RSPO4: variants seen among roughly 807,000 people sequenced by gnomAD.
RSPO4 encodes R-spondin 4.
In RSPO4, 23 loss-of-function variants were observed where a neutral mutation model predicts 24.8. The observed-to-expected ratio is 0.93, with a 90% confidence interval of 0.67 to 1.31. RSPO4 has a LOEUF of 1.31. RSPO4 is among the 40% of genes most tolerant of loss of function. RSPO4 has a pLI of 0.00. For missense variants in RSPO4, 333 were observed against 316.5 expected, an observed-to-expected ratio of 1.05 and a Z score of -0.39; for synonymous variants, 141 against 127.4, an observed-to-expected ratio of 1.11 and a Z score of -0.72.
intron 1 of RSPO4, among the ~76,000 whole-genome samples, chr20:980,466 C>A (rs1234913996): frequency 2.0e-5 from 3 of 152,162 alleles, no homozygotes; most frequent in Non-Finnish European, 4.4e-5. Context: ...CCTCCCCTCA[C>A]CCCCAGTAGA....
chr20:985,132 C>CATCT (rs1456458138), intron 1 of RSPO4, among the ~76,000 whole-genome samples: 3 of 142,896 alleles, frequency 2.1e-5, no homozygotes, highest in Non-Finnish European at 4.6e-5. Flanking sequence ...CCCACCCACT[C>CATCT]ATCTATCCAT....
chr20:965,697 G>C (rs1984172551), intron 3 of RSPO4, among the ~76,000 whole-genome samples: 1 of 152,160 alleles, frequency 6.6e-6, no homozygotes, highest in African/African-American at 2.4e-5. Context: ...AAAGGGATGA[G>C]CTGAATGGTG....
chr20:998,059 T>G (rs1985350335), intron 1 of RSPO4, among the ~76,000 whole-genome samples: 1 of 152,192 alleles, frequency 6.6e-6, no homozygotes, highest in Non-Finnish European at 1.5e-5. Context: ...GTTTTCCCAT[T>G]TCACAGATGG....
In RSPO4 at chr20:960,343, G is replaced by A. The variant is rs766487997; in HGVS notation, c.*14C>T. The A allele has an allele frequency of 6.6e-6, 10 of 1,524,242 alleles. No individual in the cohort carries two copies. Among genetic ancestry groups the A allele is most frequent in the Middle Eastern group, 1.9e-4 (1 of 5,180 alleles). The allele number at this position is 1,524,242 out of a possible 1,614,324, so 94.4% of individuals were successfully genotyped here. On this transcript the variant is annotated 3_prime_UTR_variant, in exon 5 of 5. Coordinates refer to ENST00000217260, the MANE Select transcript of RSPO4 (RefSeq NM_001029871.4). ...GGCCGAGGACTAGGACCAGAGAGTCGGGAGAGCCGGCGGTCAGGGCTGCAG... is the reference window on the plus strand; with the variant it reads ...GGCCGAGGACTAGGACCAGAGAGTCAGGAGAGCCGGCGGTCAGGGCTGCAG...
At chr20:964,887 A>G (rs914511672) in intron 3 of RSPO4, among the ~76,000 whole-genome samples, 1 of 151,456 alleles carries the variant, frequency 6.6e-6, no homozygotes, top group African/African-American at 2.4e-5. Context: ...GTAGGCACAG[A>G]ATATGGGTAG....
chr20:984,353 C>G (rs189579417), intron 1 of RSPO4, among the ~76,000 whole-genome samples: 13 of 152,220 alleles, frequency 8.5e-5, no homozygotes, highest in African/African-American at 2.9e-4. Flanking sequence ...AAAAAGAAAG[C>G]TGAGAAATAT....
intron 1 of RSPO4, among the ~76,000 whole-genome samples, chr20:993,729 T>C (rs945643733): frequency 9.2e-5 from 14 of 152,184 alleles, no homozygotes; most frequent in East Asian, 1.9e-4. Flanking sequence ...GGTAGAAACA[T>C]GAAATTGCTA....
intron 2 of RSPO4, 92 bp downstream of exon 2, chr20:967,858 C>G: frequency 7.9e-7 from 1 of 1,261,272 alleles, no homozygotes; most frequent in East Asian, 2.3e-5. Context: ...CACCTACTTC[C>G]CCTCTGTCTG....
chr20:999,735 T>A (rs748345181), intron 1 of RSPO4, among the ~76,000 whole-genome samples: 1 of 151,736 alleles, frequency 6.6e-6, no homozygotes. Context: ...ACTGAGCTCC[T>A]GGGGAGGTGG....
rs62187523 is a variant in RSPO4 at position 959,468 on chromosome 20, T to C, written c.*889A>G. Reference sequence around the variant, plus strand: ...CAGAGCTGCTGGATAATCTCAGCTTTCCTTTCCGTTTCAGTGGCCTCTTCT... The same window carrying C: ...CAGAGCTGCTGGATAATCTCAGCTTCCCTTTCCGTTTCAGTGGCCTCTTCT... On this transcript the variant is annotated 3_prime_UTR_variant, in exon 5 of 5. Transcript: ENST00000217260. 17,817 of 152,494 alleles carry C rather than the reference T, an allele frequency of 0.12. 1,420 individuals are homozygous for C. Among genetic ancestry groups the C allele is most frequent in the South Asian group, 0.23 (1,105 of 4,826 alleles). 9.4% of individuals were successfully genotyped at this position (152,494 alleles called of 1,614,324 possible). A position where few individuals can be genotyped will look rare whatever the true frequency, so the allele number is the denominator to read the frequency against.
intron 3 of RSPO4, among the ~76,000 whole-genome samples, chr20:966,063 G>C (rs1984185383): frequency 6.6e-6 from 1 of 152,186 alleles, no homozygotes; most frequent in South Asian, 2.1e-4. Context: ...AGCGTTAGGT[G>C]GGGGATGGTG....
rs769102112 is a variant in RSPO4, at chr20:968,040, G to A, written c.178C>T (p.Arg60Trp). The A allele has an allele frequency of 8.1e-6, 13 of 1,614,220 alleles. No homozygotes were observed. The highest frequency in any genetic ancestry group is 6.7e-5 in the Admixed American group (4 of 60,028). The change falls in exon 2 of 5, where the codon CGG (arginine) becomes TGG (tryptophan). Residue 60 changes from arginine (R) to tryptophan (W), a missense_variant. By Grantham distance (101) the Arg-to-Trp change is moderately radical. Transcript: ENST00000217260. ...TTGCCGTACTGGCGGATGCCTTCCCGGCGGATGAACAGGAAGAGCCTCTGC... is the reference window on the plus strand; with the variant it reads ...TTGCCGTACTGGCGGATGCCTTCCCAGCGGATGAACAGGAAGAGCCTCTGC... ...CQQRLFLFIR[R>W]EGIRQYGKCL...
rs910551818 is a variant in RSPO4, at chr20:981,246, C to T, written c.80-13108G>A. Among the ~76,000 whole-genome samples, 3 of 152,192 alleles carry T rather than the reference C, an allele frequency of 2.0e-5. No individual in the cohort carries two copies. The highest frequency in any genetic ancestry group is 2.9e-5 in the Non-Finnish European group (2 of 68,048). On this transcript the variant is annotated intron_variant, in intron 1 of 4. Transcript: ENST00000217260. The surrounding 1 kb of genome is among the most constrained non-coding windows in gnomAD (Gnocchi z 4.6). The stretch of plus-strand genomic sequence containing the variant: ...TGATACTCAAAAGGGGCAACCTGGC[C>T]AGGCACAGTGGCTCACGCCTGTAAT...
At chr20:999,196 T>A (rs1396390024) in intron 1 of RSPO4, among the ~76,000 whole-genome samples, 1 of 152,106 alleles carries the variant, frequency 6.6e-6, no homozygotes, top group African/African-American at 2.4e-5. Flanking sequence ...AAAAAATGTA[T>A]TTTTTGTAGA....
chr20:996,385 G>A (rs1460952340), intron 1 of RSPO4, among the ~76,000 whole-genome samples: 1 of 152,140 alleles, frequency 6.6e-6, no homozygotes, highest in African/African-American at 2.4e-5. Context: ...GAGGATGGAT[G>A]AACAAACCGT....
intron 1 of RSPO4, among the ~76,000 whole-genome samples, chr20:999,873 T>C (rs1210639446): frequency 6.6e-6 from 1 of 152,008 alleles, no homozygotes; most frequent in Non-Finnish European, 1.5e-5. Context: ...CTTTTTGTTG[T>C]TGTTGTTGTT....
chr20:961,449 T>C (rs150943160), intron 4 of RSPO4, among the ~76,000 whole-genome samples: 136 of 152,338 alleles, frequency 8.9e-4, no homozygotes, highest in Non-Finnish European at 1.3e-3. Flanking sequence ...GTGTCAACTA[T>C]GTGCCCGTCT....
At position 959,925 on chromosome 20, in the gene RSPO4, G is replaced by A. The variant is rs1220530800; in HGVS notation, c.*432C>T. The A allele has an allele frequency of 1.6e-5, 3 of 189,828 alleles. No individual in the cohort carries two copies. Among genetic ancestry groups the A allele is most frequent in the African/African-American group, 2.4e-5 (1 of 42,086 alleles). 11.8% of individuals were successfully genotyped at this position (189,828 alleles called of 1,614,324 possible). A position where few individuals can be genotyped will look rare whatever the true frequency, so the allele number is the denominator to read the frequency against. Reference sequence around the variant, plus strand: ...TCTGCAAAGATGGGGTCAGGGAAAGGCCTGGGAAAAGATGTTTGCTTTCTT... The same window carrying A: ...TCTGCAAAGATGGGGTCAGGGAAAGACCTGGGAAAAGATGTTTGCTTTCTT... On this transcript the variant is annotated 3_prime_UTR_variant, in exon 5 of 5. Coordinates refer to ENST00000217260, the MANE Select transcript of RSPO4 (RefSeq NM_001029871.4).
chr20:993,004 C>T (rs962104677), intron 1 of RSPO4, among the ~76,000 whole-genome samples: 1 of 152,176 alleles, frequency 6.6e-6, no homozygotes, highest in African/African-American at 2.4e-5. Context: ...CTGGCCAACC[C>T]CAGATCAGGC....
Sources: allele counts gnomAD v4.1 joint callset (sites outside exome capture counted in the v4.1 genomes callset), GRCh38; gene constraint gnomAD v4.1.1; non-coding constraint Gnocchi (gnomAD v3.1); transcripts MANE v1.5; gene names NCBI Gene and HGNC (gene_info 2026-07-23, HGNC 2026-07-21).